FAM161A: variants seen among roughly 807,000 people sequenced by gnomAD.
FAM161A encodes the protein FAM161 centrosomal protein A.
Under a neutral mutation model 70.9 loss-of-function variants are expected in FAM161A, and 57 were observed. The ratio of observed to expected loss-of-function variants is 0.80; its 90% CI spans 0.65 to 1.00. The LOEUF (loss-of-function observed/expected upper bound fraction) is 1.00. Among genes scored for constraint, FAM161A ranks in the 50% least tolerant of loss-of-function variants. The probability of loss-of-function intolerance (pLI) is 0.00; values close to 1 mark genes in which losing one functional copy is unlikely to be tolerated. For synonymous variants in FAM161A, 299 were observed against 295.7 expected, an observed-to-expected ratio of 1.01 and a Z score of -0.12; for missense variants, 880 against 836.0, an observed-to-expected ratio of 1.05 and a Z score of -0.65.
At chr2:61,843,070 A>G (rs533214625) in intron 1 of FAM161A, among the ~76,000 whole-genome samples, 1 of 152,314 alleles carries the variant, frequency 6.6e-6, no homozygotes, top group South Asian at 2.1e-4. Flanking sequence ...ATTATTCAAC[A>G]TACAGATCAT....
intron 5 of FAM161A, among the ~76,000 whole-genome samples, chr2:61,828,436 C>T (rs569593197): frequency 6.6e-6 from 1 of 152,088 alleles, no homozygotes; most frequent in Non-Finnish European, 1.5e-5. Flanking sequence ...TCAAGCGATC[C>T]TCCCACCTCA....
the FAM161A span, among the ~76,000 whole-genome samples, chr2:61,806,680 C>CTTT: frequency 0.02 from 1,212 of 61,512 alleles, 241 homozygotes; most frequent in African/African-American, 0.029. Context: ...CTTTCCACGT[C>CTTT]TTTTTTTTTT....
At chr2:61,853,596 A>C (rs1228761139) in intron 1 of FAM161A, among the ~76,000 whole-genome samples, 1 of 152,244 alleles carries the variant, frequency 6.6e-6, no homozygotes, top group African/African-American at 2.4e-5. Flanking sequence ...TATACTTTGC[A>C]CTTGCCAGAA....
rs1157060642 is a variant in FAM161A at position 61,825,550 on chromosome 2, A to C, written c.*905T>G. 2 of 438,990 alleles carry C rather than the reference A, an allele frequency of 4.6e-6. No homozygotes were observed. The highest frequency in any genetic ancestry group is 4.5e-6 in the Non-Finnish European group (1 of 223,238). 27.2% of individuals were successfully genotyped at this position (438,990 alleles called of 1,614,324 possible). A position where few individuals can be genotyped will look rare whatever the true frequency, so the allele number is the denominator to read the frequency against. ...ATTTGGACTAGAACTAAGGATAAAA[A>C]GAAAAAGGGATGATGGTGTAGACAA... On this transcript the variant is annotated 3_prime_UTR_variant, in exon 7 of 7. Coordinates refer to ENST00000404929, the MANE Select transcript of FAM161A (RefSeq NM_001201543.2).
chr2:61,847,090 A>C (rs573403264), intron 1 of FAM161A: 7 of 342,688 alleles, frequency 2.0e-5, no homozygotes, highest in South Asian at 6.4e-5. Flanking sequence ...TGAATCCAGG[A>C]GGCAGAGGTT....
At chr2:61,837,585 A>G (rs1364444035) in intron 4 of FAM161A, among the ~76,000 whole-genome samples, 2 of 152,152 alleles carry the variant, frequency 1.3e-5, no homozygotes, top group African/African-American at 4.8e-5. Context: ...CTTGGCCAAC[A>G]TGGCAAAACC....
At chr2:61,843,015 C>A (rs887871497) in intron 1 of FAM161A, among the ~76,000 whole-genome samples, 1 of 152,116 alleles carries the variant, frequency 6.6e-6, no homozygotes, top group South Asian at 2.1e-4. Context: ...CATGGGTGAC[C>A]GGGACTTTAG....
chr2:61,827,073 G>C (rs1281159801), intron 6 of FAM161A, 31 bp downstream of exon 6: 2 of 1,609,698 alleles, frequency 1.2e-6, no homozygotes, highest in Non-Finnish European at 1.7e-6. Flanking sequence ...TTTTTCAAAG[G>C]TAAGCCATTC....
chr2:61,834,480 G>C (rs1423138144), intron 5 of FAM161A, among the ~76,000 whole-genome samples: 1 of 137,792 alleles, frequency 7.3e-6, no homozygotes, highest in African/African-American at 2.7e-5. Flanking sequence ...TTTTTTTTTT[G>C]AGATAGAATT....
chr2:61,819,871 T>C (rs1672166533), downstream of FAM161A, among the ~76,000 whole-genome samples: 1 of 152,220 alleles, frequency 6.6e-6, no homozygotes, highest in Non-Finnish European at 1.5e-5. Context: ...GATGAATGAA[T>C]ATTGTTATTT....
the FAM161A span, among the ~76,000 whole-genome samples, chr2:61,807,549 A>ATCCCAAAATAGGCTCTGCAAAGTCC: frequency 6.6e-6 from 1 of 151,112 alleles, no homozygotes; most frequent in African/African-American, 2.4e-5. Flanking sequence ...TGCTGGGCCA[A>ATCCCAAAATAGGCTCTGCAAAGTCC]TCCCAAAATA....
Position 61,854,025 on chromosome 2 carries a change from C to T in FAM161A, c.17G>A (p.Arg6Gln), listed in dbSNP as rs1354691410. 3.1e-6 allele frequency: 5 copies of T among 1,610,610 alleles called. No individual in the cohort carries two copies. The highest frequency in any genetic ancestry group is 4.2e-6 in the Non-Finnish European group (5 of 1,178,510). ...ACTGGAGGCCACCAGCTTCGCCACT[C>T]GGTGGGAGGTGGCCATCGCCCCGCC... MATSHRVAKLVASSLQ... is the reference protein window; with the variant it reads MATSHQVAKLVASSLQ... Residue 6 changes from arginine to glutamine, a missense_variant, in exon 1 of 7, where the codon CGA becomes CAA. Transcript: ENST00000404929.
intron 5 of FAM161A, among the ~76,000 whole-genome samples, chr2:61,828,083 G>C (rs1381354116): frequency 6.6e-6 from 1 of 152,144 alleles, no homozygotes; most frequent in Non-Finnish European, 1.5e-5. Context: ...AAACAAGGAA[G>C]TACTTATCCT....
rs372371486 is a variant in FAM161A at position 61,827,131 on chromosome 2, G to A, written c.1979C>T (p.Thr660Met). ...TTCTTTGTCTTCAGTGACACTTTTC[G>A]TCTCTTGATTGTTGAAGTACTCAAG... ...KVLEYFNNQE[T>M]KSVTEDKESF... is the part of the protein sequence containing the mutation. The change falls in exon 6 of 7, where the codon ACG (threonine) becomes ATG (methionine). Residue 660 changes from threonine (T) to methionine (M), a missense_variant. Coordinates refer to ENST00000404929, the MANE Select transcript of FAM161A (RefSeq NM_001201543.2). 17 of 1,613,466 alleles carry A rather than the reference G, an allele frequency of 1.1e-5. No homozygotes were observed. The highest frequency in any genetic ancestry group is 6.7e-5 in the African/African-American group (5 of 74,816).
At chr2:61,837,055 T>C (rs1672801549) in intron 4 of FAM161A, among the ~76,000 whole-genome samples, 1 of 152,036 alleles carries the variant, frequency 6.6e-6, no homozygotes, top group African/African-American at 2.4e-5. Flanking sequence ...TTTGTAGAGA[T>C]GGGGGTCTCA....
the FAM161A span, among the ~76,000 whole-genome samples, chr2:61,815,679 T>C: frequency 2.7e-5 from 4 of 149,002 alleles, no homozygotes; most frequent in Admixed American, 6.8e-5. Context: ...GCTTCCCAAA[T>C]AACTGGGATT....
chr2:61,840,567 T>C lies in FAM161A; in HGVS notation c.437A>G (p.Lys146Arg). 1 of 1,607,742 alleles carries C rather than the reference T, an allele frequency of 6.2e-7. No individual in the cohort carries two copies. Among genetic ancestry groups the C allele is most frequent in the Non-Finnish European group, 8.5e-7 (1 of 1,174,196 alleles). ...LSDSSRSVSEKNSYHPVSLMT... is the reference protein window; with the variant it reads ...LSDSSRSVSERNSYHPVSLMT... ...TAATGAGACAGGGTGATAGGAGTTC[T>C]TTTCTGATACAGATCTAAATGAGAA... is the stretch of plus-strand genomic sequence containing the variant. Residue 146 changes from lysine (K) to arginine (R), a missense_variant, in exon 3 of 7, where the codon AAG becomes AGG. Lys to Arg is a conservative substitution (Grantham distance 26). Transcript: ENST00000404929.
the FAM161A span, among the ~76,000 whole-genome samples, chr2:61,812,447 C>T: frequency 2.0e-5 from 3 of 152,170 alleles, no homozygotes; most frequent in Admixed American, 6.5e-5. Context: ...TTAGTCCAGG[C>T]GTGGTGGCTC....
At chr2:61,842,427 C>G in intron 1 of FAM161A, 67 bp from the exon 2 acceptor site, 2 of 961,690 alleles carry the variant, frequency 2.1e-6, no homozygotes, top group Non-Finnish European at 3.2e-6. Context: ...TGACACTGAT[C>G]CAAAATGCTG....
Sources: allele counts gnomAD v4.1 joint callset (sites outside exome capture counted in the v4.1 genomes callset), GRCh38; gene constraint gnomAD v4.1.1; transcripts MANE v1.5; gene names NCBI Gene and HGNC (gene_info 2026-07-23, HGNC 2026-07-21).